AGBL4: variants seen among roughly 807,000 people sequenced by gnomAD.
AGBL4 encodes AGBL carboxypeptidase 4.
In AGBL4, 58 loss-of-function variants were observed where a neutral mutation model predicts 66.4. The observed-to-expected ratio is 0.87, with a 90% CI of 0.71 to 1.09. AGBL4 has a LOEUF of 1.09. Among genes scored for constraint, AGBL4 ranks in the 50% least tolerant of loss-of-function variants. The pLI, the probability that AGBL4 is intolerant of heterozygous loss-of-function variation, is 0.00. For synonymous variants in AGBL4, 234 were observed against 222.9 expected, an observed-to-expected ratio of 1.05 and a Z score of -0.44; for missense variants, 579 against 631.0, an observed-to-expected ratio of 0.92 and a Z score of 0.88.
At chr1:48,708,549 A>G (rs1443242343) in intron 6 of AGBL4, among the ~76,000 whole-genome samples, 1 of 152,164 alleles carries the variant, frequency 6.6e-6, no homozygotes, top group Non-Finnish European at 1.5e-5. Flanking sequence ...GGCCCTAGAG[A>G]AGATCCCTGC....
chr1:49,470,297 A>ACATT (rs1342628065), intron 3 of AGBL4, among the ~76,000 whole-genome samples: 2 of 151,956 alleles, frequency 1.3e-5, no homozygotes, highest in African/African-American at 4.8e-5. Flanking sequence ...CTCGCTCCAT[A>ACATT]CATTCATCAA....
intron 5 of AGBL4, among the ~76,000 whole-genome samples, chr1:49,013,040 C>T (rs1662564646): frequency 6.6e-6 from 1 of 152,202 alleles, no homozygotes; most frequent in Admixed American, 6.5e-5. Flanking sequence ...AGCAAGCAGG[C>T]CCTCACCAGA....
At chr1:49,538,094 G>T (rs139420141) in intron 3 of AGBL4, among the ~76,000 whole-genome samples, 96 of 152,260 alleles carry the variant, frequency 6.3e-4, no homozygotes, top group African/African-American at 2.3e-3. Flanking sequence ...TCTCACTACT[G>T]TGTATCTACC....
At position 49,036,078 on chromosome 1, in the gene AGBL4, A is replaced by C. The variant is rs562611420; in HGVS notation, c.594+9506T>G. Reference sequence around the variant, plus strand: ...AACCTCAGCATCATGCAATATACCCAGGGAACAAACCTGCATATGTACCTC... The same window carrying C: ...AACCTCAGCATCATGCAATATACCCCGGGAACAAACCTGCATATGTACCTC... On this transcript the variant is annotated intron_variant, in intron 5 of 13. Coordinates refer to ENST00000371839, the MANE Select transcript of AGBL4 (RefSeq NM_032785.4). 7.2e-5 allele frequency among the ~76,000 whole-genome samples: 11 copies of C among 152,130 alleles called. No individual in the cohort carries two copies. The South Asian group carries it at 2.3e-3, about 32-fold the overall frequency.
At chr1:48,687,408 T>C (rs1379630568) in intron 6 of AGBL4, among the ~76,000 whole-genome samples, 1 of 152,150 alleles carries the variant, frequency 6.6e-6, no homozygotes, top group Non-Finnish European at 1.5e-5. Flanking sequence ...GGGCGGGTGC[T>C]CTTGCTAGCA....
At chr1:49,149,572 T>C (rs528873511) in intron 4 of AGBL4, among the ~76,000 whole-genome samples, 1 of 152,356 alleles carries the variant, frequency 6.6e-6, no homozygotes, top group East Asian at 1.9e-4. Context: ...GTTTATGCTA[T>C]ACAATTCCTA....
intron 1 of AGBL4, among the ~76,000 whole-genome samples, chr1:50,008,430 G>T (rs1661296327): frequency 6.6e-6 from 1 of 152,010 alleles, no homozygotes; most frequent in Non-Finnish European, 1.5e-5. Flanking sequence ...AGTCAATAAA[G>T]AAATTAAGAA....
At chr1:49,024,151 G>A (rs1663460162) in intron 5 of AGBL4, among the ~76,000 whole-genome samples, 2 of 152,202 alleles carry the variant, frequency 1.3e-5, no homozygotes, top group South Asian at 4.1e-4. Context: ...CATAGATAGT[G>A]TATCTTCCTT....
intron 1 of AGBL4, among the ~76,000 whole-genome samples, chr1:49,909,087 G>C (rs1186490682): frequency 2.0e-5 from 3 of 152,044 alleles, no homozygotes; most frequent in Non-Finnish European, 4.4e-5. Flanking sequence ...TTTGACCTTG[G>C]AAAAGGTACT....
intron 3 of AGBL4, among the ~76,000 whole-genome samples, chr1:49,497,074 G>C (rs1647661228): frequency 6.6e-6 from 1 of 151,940 alleles, no homozygotes; most frequent in African/African-American, 2.4e-5. Flanking sequence ...ACTCCAACAG[G>C]TGTAAGGTGA....
chr1:49,648,462 C>T (rs1302661173), intron 3 of AGBL4, among the ~76,000 whole-genome samples: 1 of 151,868 alleles, frequency 6.6e-6, no homozygotes, highest in East Asian at 1.9e-4. Context: ...AACATGATGA[C>T]TAAGAGTTCT....
Position 48,856,121 on chromosome 1 carries a change from T to C in AGBL4, c.634+11070A>G, listed in dbSNP as rs954291661. Among the ~76,000 whole-genome samples the C allele has an allele frequency of 9.8e-5, 15 of 152,310 alleles. 1 individual carries two copies. In the East Asian group the frequency reaches 2.9e-3, roughly 29 times the overall value. ...GCTAAAATATTAAATAGTCATTGCC[T>C]CTGGGAGATAACTGATATTTTCATC... On this transcript the variant is annotated intron_variant, in intron 6 of 13. Coordinates refer to ENST00000371839, the MANE Select transcript of AGBL4 (RefSeq NM_032785.4).
chr1:49,688,415 C>T (rs1333483910), intron 3 of AGBL4, among the ~76,000 whole-genome samples: 1 of 152,140 alleles, frequency 6.6e-6, no homozygotes, highest in African/African-American at 2.4e-5. Context: ...GGATCTCGTT[C>T]TTTTTTATGG....
chr1:49,258,425 G>A (rs1257451088), intron 3 of AGBL4, among the ~76,000 whole-genome samples: 1 of 152,140 alleles, frequency 6.6e-6, no homozygotes, highest in Non-Finnish European at 1.5e-5. Flanking sequence ...TTAGACGAAT[G>A]TATAACTAGA....
intron 3 of AGBL4, among the ~76,000 whole-genome samples, chr1:49,539,366 ATGT>A (rs1651837034): frequency 6.6e-6 from 1 of 152,212 alleles, no homozygotes; most frequent in Non-Finnish European, 1.5e-5. Context: ...TTTTAAGAGC[ATGT>A]TATTTGATCA....
intron 11 of AGBL4, among the ~76,000 whole-genome samples, chr1:48,564,108 C>T (rs535069444): frequency 6.6e-6 from 1 of 152,192 alleles, no homozygotes; most frequent in South Asian, 2.1e-4. Flanking sequence ...ACATGACTTT[C>T]CCATCTCTCC....
At chr1:49,673,339 T>C (rs1299972171) in intron 3 of AGBL4, among the ~76,000 whole-genome samples, 2 of 152,236 alleles carry the variant, frequency 1.3e-5, no homozygotes, top group Admixed American at 1.3e-4. Context: ...TTCTTTTGGT[T>C]ATATACCAGC....
chr1:49,260,465 A>G (rs2148359507), intron 3 of AGBL4, among the ~76,000 whole-genome samples: 1 of 152,206 alleles, frequency 6.6e-6, no homozygotes, highest in Middle Eastern at 3.4e-3. Flanking sequence ...ATAAAAAATG[A>G]TAAAGGGGAT....
At chr1:49,293,618 T>G (rs1644586325) in intron 3 of AGBL4, among the ~76,000 whole-genome samples, 1 of 152,218 alleles carries the variant, frequency 6.6e-6, no homozygotes, top group South Asian at 2.1e-4. Context: ...AATGTCTCTT[T>G]GAGCACTAAG....
Sources: allele counts gnomAD v4.1 joint callset (sites outside exome capture counted in the v4.1 genomes callset), GRCh38; gene constraint gnomAD v4.1.1; transcripts MANE v1.5; gene names NCBI Gene and HGNC (gene_info 2026-07-23, HGNC 2026-07-21).